The following L3MBTL1 variants were observed in gnomAD, a reference collection of about 807,000 sequenced individuals.
L3MBTL1 encodes L3MBTL histone methyl-lysine binding protein 1, also known as lethal(3)malignant brain tumor-like protein 1.
In L3MBTL1, 75 loss-of-function variants were observed where a neutral mutation model predicts 105.3. The ratio of observed to expected loss-of-function variants is 0.71; its 90% CI spans 0.59 to 0.86. The LOEUF is 0.86. Among genes scored for constraint, L3MBTL1 ranks in the 40% least tolerant of loss-of-function variants. The pLI is 0.00. For missense variants in L3MBTL1, 1,069 were observed against 1,126.4 expected, an observed-to-expected ratio of 0.95 and a Z score of 0.73; for synonymous variants, 452 against 436.2, an observed-to-expected ratio of 1.04 and a Z score of -0.45.
At chr20:43,512,741 G>A (rs1414755838) in intron 1 of L3MBTL1, among the ~76,000 whole-genome samples, 1 of 152,216 alleles carries the variant, frequency 6.6e-6, no homozygotes, top group African/African-American at 2.4e-5. Context: ...TAGATATTAA[G>A]TATATTCTTT....
At chr20:43,531,126 C>T (rs1365059640) in intron 11 of L3MBTL1, 2 of 528,980 alleles carry the variant, frequency 3.8e-6, no homozygotes, top group South Asian at 2.5e-5. Flanking sequence ...GATACCCTGT[C>T]CTCACATCCC....
intron 6 of L3MBTL1, 54 bp from the exon 7 acceptor site, chr20:43,516,039 G>A: frequency 7.2e-7 from 1 of 1,388,086 alleles, no homozygotes; most frequent in Non-Finnish European, 1.0e-6. Flanking sequence ...AGACCCTAGG[G>A]CTTCATCCCA....
At chr20:43,530,578 G>A (rs1315682194) in intron 10 of L3MBTL1, among the ~76,000 whole-genome samples, 159 bp downstream of exon 10, 1 of 152,202 alleles carries the variant, frequency 6.6e-6, no homozygotes. Flanking sequence ...CTGCGCTGGG[G>A]CCAAGTTGAC....
intron 7 of L3MBTL1, among the ~76,000 whole-genome samples, chr20:43,521,260 A>G (rs913462451): frequency 1.3e-5 from 2 of 152,206 alleles, no homozygotes; most frequent in Admixed American, 6.5e-5. Context: ...TAATTAATTG[A>G]TTCTTGAATC....
At chr20:43,529,866 T>C (rs1332709574) in intron 9 of L3MBTL1, among the ~76,000 whole-genome samples, 2 of 152,176 alleles carry the variant, frequency 1.3e-5, no homozygotes, top group African/African-American at 4.8e-5. Context: ...GCAAAAGCCC[T>C]GGGGCATGGA....
At chr20:43,511,974 T>C (rs549762523) in intron 1 of L3MBTL1, among the ~76,000 whole-genome samples, 3 of 151,514 alleles carry the variant, frequency 2.0e-5, no homozygotes, top group African/African-American at 4.8e-5. Flanking sequence ...CCAGAGTCTG[T>C]TGAGTGGAGA....
chr20:43,530,286 A>G lies in L3MBTL1; in HGVS notation c.1059A>G (p.Val353=), dbSNP rs2019261443. ...CCTGATTCCCCTCATGGGGCCAGGT[A>G]TGTGGCTATCGCCTACGCCTGCACT... ...SMYFILTVAE[V]CGYRLRLHFD... is the part of the protein sequence containing the mutation. Residue 353 remains valine, a splice_region_variant and synonymous_variant, in exon 10 of 22, where the codon GTA becomes GTG. Transcript: ENST00000418998. 6.2e-7 allele frequency: 1 copy of G among 1,613,794 alleles called. No individual in the cohort carries two copies. The highest frequency in any genetic ancestry group is 8.5e-7 in the Non-Finnish European group (1 of 1,179,932).
At position 43,529,262 on chromosome 20, in the gene L3MBTL1, A is replaced by C. The variant is rs1427932745; in HGVS notation, c.952-2A>C. ...GGTCCTCTCCACTCTGTGCGTTGAC[A>C]GTCCCAGGCAGTCACTCACAACAAG... is the stretch of plus-strand genomic sequence containing the variant. On this transcript the variant is annotated splice_acceptor_variant, in intron 8 of 21. Transcript: ENST00000418998. LOFTEE classifies it high-confidence loss of function. The C allele has an allele frequency of 6.2e-7, 1 of 1,606,048 alleles. No individual in the cohort carries two copies. Among genetic ancestry groups the C allele is most frequent in the Non-Finnish European group, 8.5e-7 (1 of 1,175,060 alleles).
chr20:43,547,196 C>T (rs1292204384), intron 18 of L3MBTL1, among the ~76,000 whole-genome samples: 1 of 151,548 alleles, frequency 6.6e-6, no homozygotes, highest in African/African-American at 2.4e-5. Flanking sequence ...GCTCCGCCTC[C>T]CGGGTTCACG....
intron 7 of L3MBTL1, among the ~76,000 whole-genome samples, chr20:43,528,168 C>T (rs1292997818): frequency 6.6e-6 from 1 of 152,220 alleles, no homozygotes; most frequent in East Asian, 1.9e-4. Flanking sequence ...GCTGGGATTA[C>T]AGGCGTGAGC....
intron 20 of L3MBTL1, 107 bp downstream of exon 20, chr20:43,540,415 A>G: frequency 7.8e-7 from 1 of 1,275,766 alleles, no homozygotes; most frequent in Non-Finnish European, 1.1e-6. Context: ...CACTCCTGGC[A>G]CTACCTCTTG....
At chr20:43,514,164 T>TCATCTGAGC in intron 3 of L3MBTL1, 103 bp downstream of exon 3, 1 of 1,052,970 alleles carries the variant, frequency 9.5e-7, no homozygotes. Flanking sequence ...GGAAGCTGGC[T>TCATCTGAGC]CAGATGATGG....
chr20:43,546,898 T>C (rs908085370), intron 18 of L3MBTL1, among the ~76,000 whole-genome samples: 2 of 152,206 alleles, frequency 1.3e-5, no homozygotes, highest in African/African-American at 4.8e-5. Flanking sequence ...ACAATATTGT[T>C]ATCCCACTAC....
At chr20:43,548,364 C>T (rs1978769246) in exon 19 of L3MBTL1, 1 of 946,352 alleles carries the variant, frequency 1.1e-6, no homozygotes, top group Non-Finnish European at 1.4e-6. Context: ...TATATCTGAC[C>T]AGGCTGGTCC....
chr20:43,534,049 G>A lies in L3MBTL1; in HGVS notation c.1555G>A (p.Glu519Lys), dbSNP rs2019477750. 1.9e-6 allele frequency: 3 copies of A among 1,614,102 alleles called. No individual in the cohort carries two copies. Among genetic ancestry groups the A allele is most frequent in the South Asian group, 2.2e-5 (2 of 91,088 alleles). The change falls in exon 14 of 22, where the codon GAA (glutamate) becomes AAA (lysine). Residue 519 changes from glutamate (E) to lysine (K), a missense_variant. Transcript: ENST00000418998. ...PDNFCWEKYL[E>K]ETGASAVPTW... ...TAACTTCTGTTGGGAGAAATATCTGGAAGAAACTGGGGCCTCTGCTGTCCC... is the reference window on the plus strand; with the variant it reads ...TAACTTCTGTTGGGAGAAATATCTGAAAGAAACTGGGGCCTCTGCTGTCCC...
chr20:43,535,007 G>T, intron 16 of L3MBTL1, 65 bp downstream of exon 16: 7 of 1,157,206 alleles, frequency 6.0e-6, no homozygotes, highest in Non-Finnish European at 8.6e-6. Context: ...CCTATAGTTT[G>T]CCTACAGAGC....
chr20:43,540,414 C>A, intron 20 of L3MBTL1, 106 bp downstream of exon 20: 2 of 1,279,210 alleles, frequency 1.6e-6, no homozygotes, highest in Admixed American at 1.9e-5. Flanking sequence ...CCACTCCTGG[C>A]ACTACCTCTT....
intron 7 of L3MBTL1, among the ~76,000 whole-genome samples, chr20:43,523,088 C>CA (rs2018821988): frequency 6.6e-6 from 1 of 151,618 alleles, no homozygotes; most frequent in Non-Finnish European, 1.5e-5. Flanking sequence ...GCCTGGGTGA[C>CA]AGAGTGAGAC....
At chr20:43,513,348 C>G (rs2018188986) in intron 1 of L3MBTL1, 128 bp from the exon 2 acceptor site, 1 of 899,718 alleles carries the variant, frequency 1.1e-6, no homozygotes, top group Non-Finnish European at 1.7e-6. Context: ...AGGACTGAGG[C>G]CTTTCTCTGC....
Sources: allele counts gnomAD v4.1 joint callset (sites outside exome capture counted in the v4.1 genomes callset), GRCh38; gene constraint gnomAD v4.1.1; transcripts MANE v1.5; gene names NCBI Gene and HGNC (gene_info 2026-07-23, HGNC 2026-07-21).